Variants in TXLNA observed in about 807,000 individuals in gnomAD.
TXLNA encodes the protein alpha-taxilin.
Under a neutral mutation model 61.4 loss-of-function variants are expected in TXLNA, and 9 were observed. The ratio of observed to expected loss-of-function variants is 0.15; its 90% CI spans 0.09 to 0.26. The LOEUF is 0.26. Ranked by LOEUF, TXLNA falls within the 10% of genes least tolerant of loss-of-function variation. The pLI, the probability that TXLNA is intolerant of heterozygous loss-of-function variation, is 1.00. For missense variants in TXLNA, 565 were observed against 688.8 expected (o/e 0.82, Z 2.01); for synonymous variants, 257 against 267.7 (o/e 0.96, Z 0.39).
chr1:32,193,189 G>C lies in TXLNA; in HGVS notation c.1159-19G>C, dbSNP rs1424226602. 1.3e-6 allele frequency: 2 copies of C among 1,590,454 alleles called. No homozygotes were observed. The highest frequency in any genetic ancestry group is 1.3e-5 in the African/African-American group (1 of 74,422). ...CCAGAGAAACCCAGTCTTATCTGTG[G>C]GCTGCTTTCTCCCCACAGCTTGCCC... On this transcript the variant is annotated intron_variant, in intron 8 of 10. Transcript: ENST00000373610.
chr1:32,195,953 G>A lies in TXLNA; in HGVS notation c.*758G>A, dbSNP rs903896624. Reference sequence around the variant, plus strand: ...ATCACCCAAAGGATTATTTCTGAAGGTGTTTTTTTCTTTATTTCTTTTTCT... The same window carrying A: ...ATCACCCAAAGGATTATTTCTGAAGATGTTTTTTTCTTTATTTCTTTTTCT... On this transcript the variant is annotated 3_prime_UTR_variant, in exon 11 of 11. Coordinates refer to ENST00000373610, the MANE Select transcript of TXLNA (RefSeq NM_175852.4). 5.7e-6 allele frequency: 1 copy of A among 175,030 alleles called. No individual in the cohort carries two copies. The highest frequency in any genetic ancestry group is 1.2e-5 in the Non-Finnish European group (1 of 81,100). The allele number at this position is 175,030 out of a possible 1,614,324, so 10.8% of individuals were successfully genotyped here. A position where few individuals can be genotyped will look rare whatever the true frequency, so the allele number is the denominator to read the frequency against.
intron 4 of TXLNA, among the ~76,000 whole-genome samples, chr1:32,185,455 C>G (rs570022257): frequency 6.6e-6 from 1 of 151,872 alleles, no homozygotes; most frequent in Non-Finnish European, 1.5e-5. Context: ...TGCAGTGGCA[C>G]GATCTCGGCT....
Position 32,196,081 on chromosome 1 carries a change from G to A in TXLNA, c.*886G>A, listed in dbSNP as rs575234157. The A allele has an allele frequency of 6.2e-6, 1 of 160,792 alleles. No individual in the cohort carries two copies. Among genetic ancestry groups the A allele is most frequent in the African/African-American group, 2.5e-5 (1 of 40,648 alleles). 10.0% of individuals were successfully genotyped at this position (160,792 alleles called of 1,614,324 possible). A position where few individuals can be genotyped will look rare whatever the true frequency, so the allele number is the denominator to read the frequency against. ...CTGTAGCAGTGGTGCCTGGGTGCCT[G>A]GCCTCCAGTGTCCCACCTCCTTCAC... On this transcript the variant is annotated 3_prime_UTR_variant, in exon 11 of 11. Transcript: ENST00000373610.
Position 32,196,537 on chromosome 1 carries a change from T to A in TXLNA, c.*1342T>A, listed in dbSNP as rs1291146830. 6.6e-6 allele frequency: 1 copy of A among 152,252 alleles called. No homozygotes were observed. Among genetic ancestry groups the A allele is most frequent in the Non-Finnish European group, 1.5e-5 (1 of 68,094 alleles). 9.4% of individuals were successfully genotyped at this position (152,252 alleles called of 1,614,324 possible). ...GCAGACAGTTGTTTCTGTGTCCTGT[T>A]CTACCCCCACTCCAGTACATAACTA... is the stretch of plus-strand genomic sequence containing the variant. On this transcript the variant is annotated 3_prime_UTR_variant, in exon 11 of 11. Coordinates refer to ENST00000373610, the MANE Select transcript of TXLNA (RefSeq NM_175852.4).
chr1:32,187,604 G>A (rs1197304775), intron 4 of TXLNA, among the ~76,000 whole-genome samples: 2 of 152,192 alleles, frequency 1.3e-5, no homozygotes, highest in African/African-American at 2.4e-5. Flanking sequence ...GTAGCAGGTG[G>A]TCTCATCCTC....
rs183636012 is a variant in TXLNA, at chr1:32,184,357, A to G, written c.506-168A>G. 2.6e-5 allele frequency among the ~76,000 whole-genome samples: 4 copies of G among 152,286 alleles called. No individual in the cohort carries two copies. The East Asian group carries it at 5.8e-4, about 22-fold the overall frequency. ...GTACTATGGACAGTACTGGGGCTAT[A>G]GTGAGGGCAGGATTGAGTTGGTCCT... is the stretch of plus-strand genomic sequence containing the variant. On this transcript the variant is annotated intron_variant, in intron 3 of 10. Coordinates refer to ENST00000373610, the MANE Select transcript of TXLNA (RefSeq NM_175852.4).
chr1:32,193,129 A>T (rs1327127846), intron 8 of TXLNA, 79 bp from the exon 9 acceptor site: 2 of 889,758 alleles, frequency 2.2e-6, no homozygotes, highest in Non-Finnish European at 3.8e-6. Context: ...TCAGAGAGTC[A>T]AGGACGGGTC....
In TXLNA at chr1:32,181,461, A is replaced by G. The variant is rs149920094; in HGVS notation, c.389A>G (p.Asn130Ser). The change falls in exon 3 of 11, where the codon AAT (asparagine) becomes AGT (serine). Residue 130 changes from asparagine (N) to serine (S), a missense_variant. Transcript: ENST00000373610. ...NGEPEPTPVVNGEKEPSKGDP... is the reference protein window; with the variant it reads ...NGEPEPTPVVSGEKEPSKGDP... ...GAGCCTGAACCAACTCCAGTAGTCA[A>G]TGGAGAGAAGGAACCCTCCAAGGGG... is the stretch of plus-strand genomic sequence containing the variant. 274 of 1,613,944 alleles carry G rather than the reference A, an allele frequency of 1.7e-4. 1 individual carries two copies. Among genetic ancestry groups the G allele is most frequent in the South Asian group, 3.8e-4 (35 of 91,032 alleles).
At chr1:32,194,701 A>G (rs573592492) in intron 10 of TXLNA, among the ~76,000 whole-genome samples, 2 of 152,286 alleles carry the variant, frequency 1.3e-5, no homozygotes, top group Admixed American at 6.5e-5. Flanking sequence ...GGAATACGTT[A>G]TCTCCAAGCC....
chr1:32,192,625 T>C lies in TXLNA; in HGVS notation c.1084-32T>C. ...ACCAAACATAGCCCCTGGGGGCTTCTGACAGGATCTGGGGTTCTGTCTTGG... is the reference window on the plus strand; with the variant it reads ...ACCAAACATAGCCCCTGGGGGCTTCCGACAGGATCTGGGGTTCTGTCTTGG... On this transcript the variant is annotated intron_variant, in intron 7 of 10. Transcript: ENST00000373610. The surrounding 1 kb of genome is among the most constrained non-coding windows in gnomAD (Gnocchi z 4.2). The C allele has an allele frequency of 6.2e-7, 1 of 1,613,640 alleles. No individual in the cohort carries two copies.
At position 32,190,142 on chromosome 1, in the gene TXLNA, C is replaced by T; in HGVS notation, c.856C>T (p.Leu286=). ...CCAGGTGACACTGAATGACATTCAG[C>T]TGCAGATGGAACAGCACAATGAGCG... is the stretch of plus-strand genomic sequence containing the variant. The part of the protein sequence containing the change: ...HFQVTLNDIQ[L]QMEQHNERNS... The change falls in exon 6 of 11, where the codon CTG becomes TTG. Residue 286 remains leucine, a synonymous_variant. Coordinates refer to ENST00000373610, the MANE Select transcript of TXLNA (RefSeq NM_175852.4). 2.5e-6 allele frequency: 4 copies of T among 1,598,046 alleles called. No homozygotes were observed. The highest frequency in any genetic ancestry group is 3.4e-6 in the Non-Finnish European group (4 of 1,172,216).
At chr1:32,186,509 T>C (rs1385196175) in intron 4 of TXLNA, among the ~76,000 whole-genome samples, 1 of 152,228 alleles carries the variant, frequency 6.6e-6, no homozygotes, top group South Asian at 2.1e-4. Flanking sequence ...GTAGGGTTGT[T>C]ATAGTACTGG....
chr1:32,181,654 C>T lies in TXLNA; in HGVS notation c.505+77C>T. The T allele has an allele frequency of 2.3e-6, 3 of 1,324,630 alleles. 1 individual carries two copies. The allele number at this position is 1,324,630 out of a possible 1,614,324, so 82.1% of individuals were successfully genotyped here. A position where few individuals can be genotyped will look rare whatever the true frequency, so the allele number is the denominator to read the frequency against. ...TTGACGTTCTCTGGGCCAGTCTGTT[C>T]TGCCAGGATTCAAAGGAAAACGGTA... On this transcript the variant is annotated intron_variant, in intron 3 of 10. Coordinates refer to ENST00000373610, the MANE Select transcript of TXLNA (RefSeq NM_175852.4).
chr1:32,187,193 C>G (rs1642805218), intron 4 of TXLNA, among the ~76,000 whole-genome samples: 2 of 152,358 alleles, frequency 1.3e-5, no homozygotes, highest in African/African-American at 4.8e-5. Context: ...TGAGCCACCA[C>G]TCCCGGCCTC....
Position 32,192,606 on chromosome 1 carries a change from C to T in TXLNA, c.1084-51C>T, listed in dbSNP as rs1483505865. 6.2e-7 allele frequency: 1 copy of T among 1,607,876 alleles called. No homozygotes were observed. The highest frequency in any genetic ancestry group is 1.3e-5 in the African/African-American group (1 of 74,792). On this transcript the variant is annotated intron_variant, in intron 7 of 10. Transcript: ENST00000373610. The surrounding 1 kb of genome is among the most constrained non-coding windows in gnomAD (Gnocchi z 4.2). The stretch of plus-strand genomic sequence containing the variant: ...CTGGTGCTTGTGGCTAAAAACCAAA[C>T]ATAGCCCCTGGGGGCTTCTGACAGG...
rs769642455 is a variant in TXLNA at position 32,190,225 on chromosome 1, T to G, written c.939T>G (p.Ile313Met). 1.9e-6 allele frequency: 3 copies of G among 1,604,094 alleles called. No homozygotes were observed. Among genetic ancestry groups the G allele is most frequent in the Non-Finnish European group, 1.7e-6 (2 of 1,174,666 alleles). Residue 313 changes from isoleucine (I) to methionine (M), a missense_variant, in exon 6 of 11, where the codon ATT becomes ATG. Physicochemically the swap from Ile to Met is conservative, Grantham distance 10. This residue lies in a region of TXLNA where 373 missense variants were observed against 504.0 expected (regional missense o/e 0.74). Transcript: ENST00000373610. Reference protein sequence around the residue: ...MELAERLKKLIEQYELREEHI... With the variant: ...MELAERLKKLMEQYELREEHI... ...TGGCTGAGAGGCTCAAGAAGCTGAT[T>G]GAGCAGTATGAGCTGCGCGAGGAGG...
chr1:32,193,526 TTTGTTG>T lies in TXLNA; in HGVS notation c.1251+253_1251+258del, dbSNP rs373486404. Among the ~76,000 whole-genome samples, 274 of 148,922 alleles carry T rather than the reference TTTGTTG, an allele frequency of 1.8e-3. 3 individuals carry two copies. Among genetic ancestry groups the T allele is most frequent in the African/African-American group, 5.5e-3 (224 of 40,450 alleles). ...CTGTTTGTTTGGTTTTTTTGGGGGG[TTTGTTG>T]TTGTTGTTGTTGTTGTTGTTGTTGT... On this transcript the variant is annotated intron_variant, in intron 9 of 10. Transcript: ENST00000373610.
intron 1 of TXLNA, 187 bp downstream of exon 1, chr1:32,179,963 G>T (rs1642615460): frequency 6.4e-6 from 1 of 155,408 alleles, no homozygotes; most frequent in Non-Finnish European, 1.4e-5. Flanking sequence ...CGCGGGGGGC[G>T]CACGTGGGGC....
In TXLNA at chr1:32,195,115, G is replaced by A. The variant is rs2124168160; in HGVS notation, c.1561G>A (p.Ala521Thr). The stretch of plus-strand genomic sequence containing the variant: ...ACCCAGCTCCCCCAGGGTCACAGAA[G>A]CGCCTTGCTACCCAGGAGCACCGAG... The part of the protein sequence containing the change: ...QAPSSPRVTE[A>T]PCYPGAPSTE... Residue 521 changes from alanine (A) to threonine (T), a missense_variant, in exon 11 of 11, where the codon GCG becomes ACG. Physicochemically the swap from Ala to Thr is moderately conservative, Grantham distance 58. Coordinates refer to ENST00000373610, the MANE Select transcript of TXLNA (RefSeq NM_175852.4). The A allele has an allele frequency of 1.2e-6, 2 of 1,614,066 alleles. No individual in the cohort carries two copies. Among genetic ancestry groups the A allele is most frequent in the East Asian group, 4.5e-5 (2 of 44,864 alleles).
Sources: allele counts gnomAD v4.1 joint callset (sites outside exome capture counted in the v4.1 genomes callset), GRCh38; gene constraint gnomAD v4.1.1; regional missense constraint gnomAD v4.1.1; non-coding constraint Gnocchi (gnomAD v3.1); transcripts MANE v1.5; gene names NCBI Gene and HGNC (gene_info 2026-07-23, HGNC 2026-07-21).